Variants in COL23A1 observed in about 807,000 individuals in gnomAD.
The protein encoded by COL23A1 is collagen alpha-1(XXIII) chain.
In COL23A1, 97 loss-of-function variants were observed where a neutral mutation model predicts 99.3. The ratio of observed to expected loss-of-function variants is 0.98; its 90% CI spans 0.83 to 1.16. COL23A1 has a LOEUF of 1.16. COL23A1 is among the 50% of genes most tolerant of loss of function. The probability of loss-of-function intolerance (pLI) is 0.00; values close to 1 mark genes in which losing one functional copy is unlikely to be tolerated. For synonymous variants in COL23A1, 320 were observed against 308.2 expected (o/e 1.04, Z -0.40); for missense variants, 762 against 757.4 (o/e 1.01, Z -0.07).
intron 3 of COL23A1, 64 bp from the exon 4 acceptor site, chr5:178,290,433 A>G: frequency 1.2e-6 from 2 of 1,611,472 alleles, no homozygotes; most frequent in Non-Finnish European, 1.7e-6. Context: ...GCCTGTCCTC[A>G]GCACGGTCCC....
At chr5:178,536,633 G>A (rs147796673) in intron 2 of COL23A1, among the ~76,000 whole-genome samples, 1 of 152,310 alleles carries the variant, frequency 6.6e-6, no homozygotes, top group Non-Finnish European at 1.5e-5. Context: ...CCACAGCACT[G>A]AGTCCCAGGC....
At chr5:178,503,275 G>A (rs767260318) in intron 2 of COL23A1, among the ~76,000 whole-genome samples, 2 of 152,146 alleles carry the variant, frequency 1.3e-5, no homozygotes, top group African/African-American at 4.8e-5. Context: ...ACTTGAACTT[G>A]GGAGGTGGAG....
At chr5:178,256,757 C>T in intron 14 of COL23A1, 109 bp downstream of exon 14, 1 of 1,112,850 alleles carries the variant, frequency 9.0e-7, no homozygotes, top group Admixed American at 2.4e-5. Context: ...GTCAGGCCCT[C>T]CTGGGACTTA....
chr5:178,413,595 AAGAC>A (rs1166512646), intron 2 of COL23A1, among the ~76,000 whole-genome samples: 6 of 152,266 alleles, frequency 3.9e-5, no homozygotes, highest in Non-Finnish European at 7.3e-5. Flanking sequence ...TTCAATGGGA[AAGAC>A]AGACAGCTGA....
chr5:178,456,056 T>C (rs1767773418), intron 2 of COL23A1, among the ~76,000 whole-genome samples: 1 of 152,226 alleles, frequency 6.6e-6, no homozygotes, highest in South Asian at 2.1e-4. Context: ...GAAAAGACTC[T>C]CATATACCAA....
At chr5:178,353,950 A>C (rs1432409720) in intron 2 of COL23A1, among the ~76,000 whole-genome samples, 9 of 145,506 alleles carry the variant, frequency 6.2e-5, no homozygotes, top group South Asian at 4.3e-4. Context: ...AAAAAAAAAA[A>C]AAAACCAAAA....
chr5:178,442,627 T>C (rs1192731965), intron 2 of COL23A1, among the ~76,000 whole-genome samples: 1 of 152,170 alleles, frequency 6.6e-6, no homozygotes, highest in Non-Finnish European at 1.5e-5. Context: ...CTCAGTCCCC[T>C]GATGATTAAA....
chr5:178,374,445 C>G (rs1762962337), intron 2 of COL23A1, among the ~76,000 whole-genome samples: 1 of 152,186 alleles, frequency 6.6e-6, no homozygotes, highest in East Asian at 1.9e-4. Context: ...GTGGCTGTGC[C>G]CCCCACGCCT....
At chr5:178,514,340 C>A (rs563598746) in intron 2 of COL23A1, among the ~76,000 whole-genome samples, 1 of 152,214 alleles carries the variant, frequency 6.6e-6, no homozygotes, top group Non-Finnish European at 1.5e-5. Context: ...GCTGCTCCCA[C>A]GTCTTGGCGA....
At chr5:178,570,984 C>T (rs1383859439) in intron 1 of COL23A1, among the ~76,000 whole-genome samples, 1 of 152,132 alleles carries the variant, frequency 6.6e-6, no homozygotes, top group African/African-American at 2.4e-5. Flanking sequence ...TTCTAGGGCA[C>T]CGCAGACAGC....
At chr5:178,259,575 C>T in intron 12 of COL23A1, 146 bp downstream of exon 12, 1 of 704,510 alleles carries the variant, frequency 1.4e-6, no homozygotes, top group Non-Finnish European at 2.3e-6. Flanking sequence ...GGGCTCAGGG[C>T]TGGTGGAGAG....
chr5:178,356,546 C>G (rs1347538885), intron 2 of COL23A1, among the ~76,000 whole-genome samples: 1 of 152,068 alleles, frequency 6.6e-6, no homozygotes, highest in East Asian at 1.9e-4. Context: ...CATTCTGCCT[C>G]AGGAATGCAT....
chr5:178,389,539 A>G lies in COL23A1; in HGVS notation c.362-82620T>C, dbSNP rs112229238. Among the ~76,000 whole-genome samples the G allele has an allele frequency of 5.4e-3, 827 of 152,298 alleles. 9 individuals carry two copies. The highest frequency in any genetic ancestry group is 0.019 in the African/African-American group (789 of 41,562). ...GCTGCACATTCTCATCCCTCCTCAC[A>G]GAGGGTGCCCACTGACACTAATTCA... On this transcript the variant is annotated intron_variant, in intron 2 of 28. Transcript: ENST00000390654.
rs923694926 is a variant in COL23A1, at chr5:178,359,626, G to A, written c.362-52707C>T. ...TGTCTGGTTAAATAAAAAGATTCCC[G>A]AGAGAGGTGTGGAGTGAAAACCCAG... On this transcript the variant is annotated intron_variant, in intron 2 of 28. Coordinates refer to ENST00000390654, the MANE Select transcript of COL23A1 (RefSeq NM_173465.4). 2.0e-5 allele frequency among the ~76,000 whole-genome samples: 3 copies of A among 152,168 alleles called. No individual in the cohort carries two copies. The South Asian group carries it at 6.2e-4, about 32-fold the overall frequency.
intron 2 of COL23A1, among the ~76,000 whole-genome samples, chr5:178,481,131 C>CAAAAAAAAAAAAAAAAA (rs10625763): frequency 2.6e-4 from 27 of 102,226 alleles, no homozygotes; most frequent in Non-Finnish European, 3.7e-4. Context: ...GACTGTCTCT[C>CAAAAAAAAAAAAAAAAA]AAAAAAAAAA....
intron 2 of COL23A1, among the ~76,000 whole-genome samples, chr5:178,530,199 A>G (rs1052546593): frequency 3.3e-5 from 5 of 152,188 alleles, no homozygotes; most frequent in Admixed American, 6.5e-5. Flanking sequence ...TGGTGGCTCA[A>G]CCTATAATCC....
At chr5:178,504,382 G>A (rs1417722738) in intron 2 of COL23A1, among the ~76,000 whole-genome samples, 1 of 152,184 alleles carries the variant, frequency 6.6e-6, no homozygotes, top group Admixed American at 6.5e-5. Context: ...GGCCTGGCCT[G>A]GGGGTCAAGA....
intron 2 of COL23A1, among the ~76,000 whole-genome samples, chr5:178,536,413 AC>A (rs1373576211): frequency 6.6e-6 from 1 of 151,960 alleles, no homozygotes; most frequent in Non-Finnish European, 1.5e-5. Context: ...TGCTCACAAA[AC>A]CCACAGGGCC....
chr5:178,498,209 T>A (rs1298311957), intron 2 of COL23A1, among the ~76,000 whole-genome samples: 4 of 14,496 alleles, frequency 2.8e-4, no homozygotes, highest in Admixed American at 1.2e-3. Flanking sequence ...TATTTAAATA[T>A]ATATATATAT....
Sources: gnomAD v4.1 joint callset for allele counts (sites outside exome capture counted in the v4.1 genomes callset) on GRCh38, gnomAD v4.1.1 for gene constraint, MANE v1.5 for transcripts, NCBI Gene and HGNC (gene_info 2026-07-23, HGNC 2026-07-21) for gene names.